LSAMP: variants seen among roughly 807,000 people sequenced by gnomAD.
The protein encoded by LSAMP is limbic system-associated membrane protein.
Under a neutral mutation model 38.6 loss-of-function variants are expected in LSAMP, and 7 were observed. The observed-to-expected ratio is 0.18, with a 90% CI of 0.10 to 0.34. The LOEUF is 0.34. Among genes scored for constraint, LSAMP ranks in the 10% least tolerant of loss-of-function variants. LSAMP has a pLI of 1.00. For missense variants in LSAMP, 313 were observed against 420.0 expected (o/e 0.75, Z 2.23); for synonymous variants, 154 against 166.8 (o/e 0.92, Z 0.59).
At chr3:115,867,123 C>T (rs1438088077) in intron 3 of LSAMP, among the ~76,000 whole-genome samples, 1 of 151,884 alleles carries the variant, frequency 6.6e-6, no homozygotes, top group Non-Finnish European at 1.5e-5. Flanking sequence ...GAAAATCATT[C>T]TCACTAACAT....
intron 1 of LSAMP, among the ~76,000 whole-genome samples, chr3:116,220,713 T>G (rs2046273588): frequency 6.6e-6 from 1 of 152,068 alleles, no homozygotes; most frequent in Admixed American, 6.5e-5. Context: ...AGATAAGGGA[T>G]TTGGGGGCCA....
intron 1 of LSAMP, among the ~76,000 whole-genome samples, chr3:116,336,123 AG>A (rs2047917051): frequency 1.3e-5 from 2 of 152,028 alleles, no homozygotes; most frequent in African/African-American, 4.8e-5. Context: ...AAATGAATAA[AG>A]GACCCAAATA....
At chr3:116,383,098 G>A (rs2048582506) in intron 1 of LSAMP, among the ~76,000 whole-genome samples, 1 of 152,102 alleles carries the variant, frequency 6.6e-6, no homozygotes, top group Admixed American at 6.6e-5. Flanking sequence ...TTGATCCAAA[G>A]CATTGCTATG....
At chr3:116,385,315 T>C (rs1191934589) in intron 1 of LSAMP, among the ~76,000 whole-genome samples, 1 of 152,172 alleles carries the variant, frequency 6.6e-6, no homozygotes, top group Non-Finnish European at 1.5e-5. Context: ...CTCAGCAAGC[T>C]TTAAAGTGTT....
chr3:115,816,263 G>A (rs892851891), intron 6 of LSAMP, among the ~76,000 whole-genome samples: 15 of 152,158 alleles, frequency 9.9e-5, no homozygotes, highest in Non-Finnish European at 1.6e-4. Context: ...CATCTTTTCT[G>A]AGAGCCCTGT....
intron 1 of LSAMP, among the ~76,000 whole-genome samples, chr3:116,330,032 T>C (rs1359570510): frequency 6.6e-6 from 1 of 152,216 alleles, no homozygotes; most frequent in East Asian, 1.9e-4. Context: ...ATCAAAAGGG[T>C]AATTAACTCA....
At chr3:115,844,331 G>T (rs1259584891) in intron 4 of LSAMP, among the ~76,000 whole-genome samples, 1 of 152,168 alleles carries the variant, frequency 6.6e-6, no homozygotes, top group African/African-American at 2.4e-5. Flanking sequence ...TCAAGAAGAG[G>T]AAATTTGAGG....
At chr3:115,965,330 G>T (rs1019296566) in intron 3 of LSAMP, among the ~76,000 whole-genome samples, 15 of 151,636 alleles carry the variant, frequency 9.9e-5, no homozygotes, top group Non-Finnish European at 1.3e-4. Flanking sequence ...TTTTCCAGGG[G>T]AAACAAATGA....
intron 1 of LSAMP, among the ~76,000 whole-genome samples, chr3:116,438,592 A>G (rs2049387906): frequency 6.6e-6 from 1 of 152,204 alleles, no homozygotes; most frequent in Admixed American, 6.5e-5. Context: ...ACATGTTCAT[A>G]TATATAAGTG....
intron 1 of LSAMP, among the ~76,000 whole-genome samples, chr3:116,382,518 G>A (rs375326228): frequency 4.4e-5 from 6 of 137,538 alleles, no homozygotes; most frequent in Non-Finnish European, 9.4e-5. Flanking sequence ...GTCGGGGGAG[G>A]GGGGAGGGAT....
intron 1 of LSAMP, among the ~76,000 whole-genome samples, chr3:116,331,287 A>G (rs1221200074): frequency 6.6e-6 from 1 of 152,216 alleles, no homozygotes; most frequent in African/African-American, 2.4e-5. Flanking sequence ...CCATCTACAC[A>G]TTATGGAAGT....
At chr3:115,896,041 G>T (rs1275973938) in intron 3 of LSAMP, among the ~76,000 whole-genome samples, 8 of 152,072 alleles carry the variant, frequency 5.3e-5, no homozygotes, top group Non-Finnish European at 1.2e-4. Flanking sequence ...TTCACTAAAT[G>T]TACCTATGCT....
intron 1 of LSAMP, among the ~76,000 whole-genome samples, chr3:116,127,945 T>C (rs758618646): frequency 7.9e-5 from 12 of 152,154 alleles, no homozygotes; most frequent in Non-Finnish European, 1.8e-4. Flanking sequence ...ATCTTTACTA[T>C]GAATTGTTCA....
At chr3:116,062,359 A>C (rs1252864079) in intron 2 of LSAMP, among the ~76,000 whole-genome samples, 1 of 152,126 alleles carries the variant, frequency 6.6e-6, no homozygotes, top group African/African-American at 2.4e-5. Context: ...AGATACAAAA[A>C]TTAGCCGGGC....
At chr3:115,816,688 AT>A (rs1559833717) in intron 6 of LSAMP, 1 of 1,166,744 alleles carries the variant, frequency 8.6e-7, no homozygotes, top group South Asian at 1.3e-5. Flanking sequence ...CAAATAAAAA[AT>A]CTTTATCAAT....
chr3:116,282,993 A>G (rs1255108956), intron 1 of LSAMP, among the ~76,000 whole-genome samples: 1 of 152,070 alleles, frequency 6.6e-6, no homozygotes. Flanking sequence ...TCAAGATTCC[A>G]TAACAAGTTG....
At chr3:115,861,522 C>CG (rs11371054) in intron 3 of LSAMP, among the ~76,000 whole-genome samples, 63,145 of 151,700 alleles carry the variant, frequency 0.42, 13,310 homozygotes, top group Admixed American at 0.48. Context: ...GTCCCCCTGG[C>CG]GGTAGGAGAA....
chr3:115,879,067 C>G (rs1159699398), intron 3 of LSAMP, among the ~76,000 whole-genome samples: 2 of 152,094 alleles, frequency 1.3e-5, no homozygotes, highest in African/African-American at 4.8e-5. Context: ...CCTACATAAT[C>G]ACTCTCATGC....
intron 1 of LSAMP, among the ~76,000 whole-genome samples, chr3:116,194,039 A>C (rs1444013888): frequency 1.3e-5 from 2 of 152,232 alleles, no homozygotes; most frequent in African/African-American, 4.8e-5. Flanking sequence ...GGAACTGACC[A>C]TTCTAAAGCT....
Sources: allele counts gnomAD v4.1 joint callset (sites outside exome capture counted in the v4.1 genomes callset), GRCh38; gene constraint gnomAD v4.1.1; transcripts MANE v1.5; gene names NCBI Gene and HGNC (gene_info 2026-07-23, HGNC 2026-07-21).